Variants in CNTNAP5 observed in about 807,000 individuals in gnomAD.
CNTNAP5 encodes contactin associated protein family member 5.
In CNTNAP5, 72 loss-of-function variants were observed where a neutral mutation model predicts 150.2. The observed-to-expected ratio is 0.48, with a 90% CI of 0.40 to 0.58. CNTNAP5 has a LOEUF of 0.58. Ranked by LOEUF, CNTNAP5 falls within the 20% of genes least tolerant of loss-of-function variation. The pLI, the probability that CNTNAP5 is intolerant of heterozygous loss-of-function variation, is 0.00. For missense variants in CNTNAP5, 1,636 were observed against 1,626.2 expected, an observed-to-expected ratio of 1.01 and a Z score of -0.10; for synonymous variants, 672 against 619.8, an observed-to-expected ratio of 1.08 and a Z score of -1.25.
intron 13 of CNTNAP5, among the ~76,000 whole-genome samples, chr2:124,661,882 T>C (rs1009109758): frequency 1.1e-4 from 16 of 152,124 alleles, no homozygotes; most frequent in African/African-American, 3.9e-4. Flanking sequence ...ATATATATTA[T>C]ACTTTAAGTT....
At chr2:124,359,432 G>T (rs1025943629) in intron 3 of CNTNAP5, among the ~76,000 whole-genome samples, 5 of 151,746 alleles carry the variant, frequency 3.3e-5, no homozygotes, top group African/African-American at 1.2e-4. Flanking sequence ...GCTTTCTCTT[G>T]TGGGCATTTA....
chr2:124,182,526 A>C (rs1377808625), intron 1 of CNTNAP5, among the ~76,000 whole-genome samples: 1 of 152,172 alleles, frequency 6.6e-6, no homozygotes, highest in Non-Finnish European at 1.5e-5. Flanking sequence ...TGACCTATGC[A>C]CAAGGAAGCT....
Position 124,176,163 on chromosome 2 carries a change from A to G in CNTNAP5, c.83-45542A>G, listed in dbSNP as rs542223724. On this transcript the variant is annotated intron_variant, in intron 1 of 23. Coordinates refer to ENST00000682447, the MANE Select transcript of CNTNAP5 (RefSeq NM_001367498.1). The stretch of plus-strand genomic sequence containing the variant: ...TCCTTGTTCTCCATGTCCCTGGTCT[A>G]AAGAAGTGATGGCACATGCTGTGCG... Among the ~76,000 whole-genome samples, 175 of 152,288 alleles carry G rather than the reference A, an allele frequency of 1.1e-3. 4 individuals are homozygous for G. The South Asian group carries it at 0.034, about 30-fold the overall frequency.
chr2:124,846,840 T>C (rs932373040), intron 19 of CNTNAP5, among the ~76,000 whole-genome samples: 9 of 152,170 alleles, frequency 5.9e-5, no homozygotes, highest in African/African-American at 2.2e-4. Flanking sequence ...TTGTTTTTGC[T>C]CTTCTGGGTC....
intron 19 of CNTNAP5, among the ~76,000 whole-genome samples, chr2:124,820,478 AAAC>A (rs754731392): frequency 6.6e-6 from 1 of 152,108 alleles, no homozygotes; most frequent in Non-Finnish European, 1.5e-5. Flanking sequence ...GGGAAAAAAA[AAAC>A]AATAAAAATG....
At chr2:124,655,447 A>G (rs765182498) in intron 13 of CNTNAP5, among the ~76,000 whole-genome samples, 3 of 152,088 alleles carry the variant, frequency 2.0e-5, no homozygotes, top group Non-Finnish European at 2.9e-5. Flanking sequence ...TAGTGCTGCA[A>G]TAAACGTACG....
intron 3 of CNTNAP5, among the ~76,000 whole-genome samples, chr2:124,372,412 A>T (rs1457224424): frequency 6.6e-6 from 1 of 151,650 alleles, no homozygotes; most frequent in African/African-American, 2.4e-5. Context: ...TCCCTAATAA[A>T]CTCCTTTTTA....
chr2:124,033,355 A>G (rs1039999109), intron 1 of CNTNAP5, among the ~76,000 whole-genome samples: 1 of 152,192 alleles, frequency 6.6e-6, no homozygotes, highest in Non-Finnish European at 1.5e-5. Flanking sequence ...AGTCTAAAGA[A>G]ATGTGCCAAA....
intron 12 of CNTNAP5, among the ~76,000 whole-genome samples, chr2:124,641,056 G>A (rs1678081665): frequency 6.6e-6 from 1 of 150,714 alleles, no homozygotes; most frequent in African/African-American, 2.5e-5. Context: ...AACCCGGGAG[G>A]CAGAGGTTGC....
chr2:124,499,961 C>T (rs978913680), intron 7 of CNTNAP5, among the ~76,000 whole-genome samples: 2 of 152,028 alleles, frequency 1.3e-5, no homozygotes, highest in African/African-American at 4.8e-5. Context: ...CAGTGCTGGT[C>T]TGTATTTGAA....
Position 124,152,332 on chromosome 2 carries a change from C to T in CNTNAP5, c.83-69373C>T, listed in dbSNP as rs572164798. ...CATTCTAAGTGCATTATATCCACGT[C>T]CCATTGAATTTCTTATATGGTAGAT... On this transcript the variant is annotated intron_variant, in intron 1 of 23. Coordinates refer to ENST00000682447, the MANE Select transcript of CNTNAP5 (RefSeq NM_001367498.1). Among the ~76,000 whole-genome samples, 215 of 152,270 alleles carry T rather than the reference C, an allele frequency of 1.4e-3. 3 individuals are homozygous for T. The highest frequency in any genetic ancestry group is 5.0e-3 in the African/African-American group (209 of 41,556).
chr2:124,100,757 G>T (rs1461741569), intron 1 of CNTNAP5, among the ~76,000 whole-genome samples: 12 of 151,400 alleles, frequency 7.9e-5, no homozygotes, highest in African/African-American at 2.9e-4. Flanking sequence ...CCCAGCTACT[G>T]GGGAGGCTGA....
rs1407619571 is a variant in CNTNAP5, at chr2:124,903,116, T to C, written c.3655+16T>C. ...TCTTCATCAGGTACACTCAAGAGCA[T>C]GCACAAGGGAGCTTCTGTCACTAGC... On this transcript the variant is annotated intron_variant, in intron 22 of 23. Coordinates refer to ENST00000682447, the MANE Select transcript of CNTNAP5 (RefSeq NM_001367498.1). 1 of 1,474,114 alleles carries C rather than the reference T, an allele frequency of 6.8e-7. No individual in the cohort carries two copies. The highest frequency in any genetic ancestry group is 9.2e-7 in the Non-Finnish European group (1 of 1,091,152). 91.3% of individuals were successfully genotyped at this position (1,474,114 alleles called of 1,614,324 possible).
At chr2:124,231,467 A>G (rs549410559) in intron 2 of CNTNAP5, among the ~76,000 whole-genome samples, 1 of 152,300 alleles carries the variant, frequency 6.6e-6, no homozygotes, top group South Asian at 2.1e-4. Flanking sequence ...ACATTAATCA[A>G]TATCTTTATT....
intron 12 of CNTNAP5, among the ~76,000 whole-genome samples, chr2:124,643,917 A>T (rs1187795816): frequency 6.6e-6 from 1 of 152,202 alleles, no homozygotes; most frequent in African/African-American, 2.4e-5. Context: ...AATATGACCA[A>T]TAAGAAAACT....
chr2:124,770,287 A>G (rs1045032227), intron 16 of CNTNAP5, among the ~76,000 whole-genome samples: 1 of 152,138 alleles, frequency 6.6e-6, no homozygotes, highest in African/African-American at 2.4e-5. Context: ...CTCGGGGGAG[A>G]CAATAAACAG....
chr2:124,462,934 G>T (rs1324290384), intron 6 of CNTNAP5, among the ~76,000 whole-genome samples: 1 of 152,240 alleles, frequency 6.6e-6, no homozygotes, highest in Non-Finnish European at 1.5e-5. Context: ...GCAGATGAGG[G>T]ACGAGAACGG....
At chr2:124,883,582 GT>G (rs1162143621) in intron 21 of CNTNAP5, among the ~76,000 whole-genome samples, 4 of 151,970 alleles carry the variant, frequency 2.6e-5, no homozygotes, top group African/African-American at 7.3e-5. Flanking sequence ...GTATAGCAAT[GT>G]TTTTTTGTGT....
At chr2:124,452,209 G>T (rs118035693) in intron 6 of CNTNAP5, among the ~76,000 whole-genome samples, 8 of 152,040 alleles carry the variant, frequency 5.3e-5, no homozygotes, top group South Asian at 4.1e-4. Flanking sequence ...GGTGGGGCAC[G>T]GTGAGAGTGA....
Sources: gnomAD v4.1 joint callset for allele counts (sites outside exome capture counted in the v4.1 genomes callset) on GRCh38, gnomAD v4.1.1 for gene constraint, MANE v1.5 for transcripts, NCBI Gene and HGNC (gene_info 2026-07-23, HGNC 2026-07-21) for gene names.